DOCK4: variants seen among roughly 807,000 people sequenced by gnomAD.
The protein encoded by DOCK4 is dedicator of cytokinesis 4.
DOCK4 carries 97 observed loss-of-function variants against 268.1 expected under a neutral mutation model. That is an observed-to-expected ratio of 0.36 (90% CI 0.31 to 0.43). The LOEUF is 0.43. DOCK4 is among the 20% of genes least tolerant of loss of function. The probability of loss-of-function intolerance (pLI) is 1.00; values close to 1 mark genes in which losing one functional copy is unlikely to be tolerated. For synonymous variants in DOCK4, 954 were observed against 887.2 expected, an observed-to-expected ratio of 1.08 and a Z score of -1.34; for missense variants, 2,145 against 2,455.7, an observed-to-expected ratio of 0.87 and a Z score of 2.67.
chr7:111,958,280 TAAG>T (rs956596568), intron 8 of DOCK4, among the ~76,000 whole-genome samples: 1 of 152,178 alleles, frequency 6.6e-6, no homozygotes, highest in Non-Finnish European at 1.5e-5. Flanking sequence ...GAAAAGGAAC[TAAG>T]AAGAACTCAT....
At chr7:111,787,823 CA>C (rs1381204190) in intron 32 of DOCK4, among the ~76,000 whole-genome samples, 1 of 152,126 alleles carries the variant, frequency 6.6e-6, no homozygotes, top group East Asian at 1.9e-4. Flanking sequence ...GAAAGAACTG[CA>C]AACATTTTTC....
Position 111,736,909 on chromosome 7 carries a change from G to A in DOCK4, c.5305+8C>T. 1 of 1,594,730 alleles carries A rather than the reference G, an allele frequency of 6.3e-7. No individual in the cohort carries two copies. Among genetic ancestry groups the A allele is most frequent in the Non-Finnish European group, 8.5e-7 (1 of 1,170,030 alleles). Reference sequence around the variant, plus strand: ...ACATTCCAGGACTGACCATGGGGCTGGCCTTACCTTTTTCAGGTGCAGAGA... The same window carrying A: ...ACATTCCAGGACTGACCATGGGGCTAGCCTTACCTTTTTCAGGTGCAGAGA... On this transcript the variant is annotated splice_region_variant and intron_variant, in intron 50 of 52. Coordinates refer to ENST00000428084, the MANE Select transcript of DOCK4 (RefSeq NM_001363540.2).
Position 111,769,523 on chromosome 7 carries a change from A to G in DOCK4, c.3828+6T>C, listed in dbSNP as rs773142003. The stretch of plus-strand genomic sequence containing the variant: ...GAGGGACCCCGGGCGGGGCAGGGCC[A>G]CTTACTTTGCCTCTGTCAAAGTTCT... On this transcript the variant is annotated splice_donor_region_variant and intron_variant, in intron 37 of 52. Transcript: ENST00000428084. The G allele has an allele frequency of 1.9e-5, 31 of 1,613,326 alleles. No homozygotes were observed. Among genetic ancestry groups the G allele is most frequent in the Non-Finnish European group, 2.5e-5 (30 of 1,179,714 alleles).
rs186845952 is a variant in DOCK4 at position 112,194,459 on chromosome 7, A to G, written c.37+11643T>C. 2.3e-3 allele frequency among the ~76,000 whole-genome samples: 350 copies of G among 152,338 alleles called. 3 individuals are homozygous for G. The Middle Eastern group carries it at 0.027, about 12-fold the overall frequency. On this transcript the variant is annotated intron_variant, in intron 1 of 52. Transcript: ENST00000428084. The stretch of plus-strand genomic sequence containing the variant: ...ACATCTTCACTGTGGATACTGGAAA[A>G]TGAACACAGCAGTGACATCACAGGC...
At chr7:112,203,778 A>G (rs1821148256) in intron 1 of DOCK4, among the ~76,000 whole-genome samples, 1 of 151,800 alleles carries the variant, frequency 6.6e-6, no homozygotes, top group African/African-American at 2.4e-5. Flanking sequence ...AGTGCCCTCC[A>G]TGGTGAAAAA....
chr7:112,052,958 T>G (rs2135558924), intron 1 of DOCK4, among the ~76,000 whole-genome samples: 1 of 152,312 alleles, frequency 6.6e-6, no homozygotes, highest in Admixed American at 6.5e-5. Flanking sequence ...AGTTCTGGTT[T>G]CTAATTCACC....
chr7:111,787,214 A>C (rs1197329929), intron 32 of DOCK4, among the ~76,000 whole-genome samples: 1 of 152,178 alleles, frequency 6.6e-6, no homozygotes, highest in African/African-American at 2.4e-5. Context: ...ATAAATAATT[A>C]ATCACAAATC....
At chr7:112,178,588 A>T in intron 1 of DOCK4, among the ~76,000 whole-genome samples, 1 of 152,180 alleles carries the variant, frequency 6.6e-6, no homozygotes. Context: ...TCCTCACATT[A>T]TTCCTCAAAA....
chr7:112,002,354 T>C (rs1013628282), intron 2 of DOCK4, among the ~76,000 whole-genome samples: 2 of 152,198 alleles, frequency 1.3e-5, no homozygotes, highest in Non-Finnish European at 2.9e-5. Flanking sequence ...CTCTGTCCAA[T>C]TATACTATAC....
chr7:111,829,591 A>G (rs750564811), intron 26 of DOCK4, among the ~76,000 whole-genome samples: 4 of 152,200 alleles, frequency 2.6e-5, no homozygotes, highest in Admixed American at 6.5e-5. Context: ...ATTAGTCTTG[A>G]TATCTCTAAT....
chr7:112,146,874 G>A (rs548667561), intron 1 of DOCK4, among the ~76,000 whole-genome samples: 5 of 152,136 alleles, frequency 3.3e-5, no homozygotes, highest in Non-Finnish European at 7.4e-5. Context: ...TCCAAAATTT[G>A]ATTATATTTT....
At chr7:112,016,026 GGATTACAT>G (rs532594435) in intron 1 of DOCK4, among the ~76,000 whole-genome samples, 54 of 152,284 alleles carry the variant, frequency 3.5e-4, no homozygotes, top group Non-Finnish European at 7.1e-4. Context: ...GTTTTTAAAA[GGATTACAT>G]TTCAACATAA....
intron 1 of DOCK4, among the ~76,000 whole-genome samples, chr7:112,171,232 T>C (rs2116601975): frequency 6.6e-6 from 1 of 152,310 alleles, no homozygotes; most frequent in East Asian, 1.9e-4. Context: ...ATTTTCCTTT[T>C]AAATGGAAAA....
rs143004189 is a variant in DOCK4 at position 111,926,870 on chromosome 7, A to AAAGGAAGGAAGGAAGGAAGGAAGG, written c.1066+8646_1066+8669dup. Among the ~76,000 whole-genome samples the AAAGGAAGGAAGGAAGGAAGGAAGG allele has an allele frequency of 2.8e-3, 427 of 150,000 alleles. 2 individuals are homozygous for AAAGGAAGGAAGGAAGGAAGGAAGG. The highest frequency in any genetic ancestry group is 0.01 in the African/African-American group (407 of 40,160). ...GAAAGAGAAAAAGAGAGAGAGAGAG[A>AAAGGAAGGAAGGAAGGAAGGAAGG]AAGGAAGGAAGGAAGGAAGGAAGGA... On this transcript the variant is annotated intron_variant, in intron 12 of 52. Transcript: ENST00000428084.
At position 112,206,204 on chromosome 7, in the gene DOCK4, T is replaced by G; in HGVS notation, c.-66A>C. 1 of 1,502,818 alleles carries G rather than the reference T, an allele frequency of 6.7e-7. No individual in the cohort carries two copies. 93.1% of individuals were successfully genotyped at this position (1,502,818 alleles called of 1,614,324 possible). A position where few individuals can be genotyped will look rare whatever the true frequency, so the allele number is the denominator to read the frequency against. The stretch of plus-strand genomic sequence containing the variant: ...GCGCCCCTTCTCCGGCTCACAACAA[T>G]GCACAGTCCCCGAGCAGCGCTGCAG... On this transcript the variant is annotated 5_prime_UTR_variant, in exon 1 of 53. Transcript: ENST00000428084.
intron 1 of DOCK4, among the ~76,000 whole-genome samples, chr7:112,105,971 A>G (rs1419235709): frequency 6.6e-6 from 1 of 152,216 alleles, no homozygotes; most frequent in Non-Finnish European, 1.5e-5. Context: ...GATCACAGGC[A>G]TGAGCCACTG....
At position 111,993,241 on chromosome 7, in the gene DOCK4, G is replaced by A. The variant is rs147598565; in HGVS notation, c.315+894C>T. Among the ~76,000 whole-genome samples the A allele has an allele frequency of 7.9e-4, 120 of 152,228 alleles. 1 individual carries two copies. Among genetic ancestry groups the A allele is most frequent in the Middle Eastern group, 3.4e-3 (1 of 294 alleles). On this transcript the variant is annotated intron_variant, in intron 5 of 52. Coordinates refer to ENST00000428084, the MANE Select transcript of DOCK4 (RefSeq NM_001363540.2). The stretch of plus-strand genomic sequence containing the variant: ...CCTCACTAATTTGGATTTTTTCCTC[G>A]ACAGGCTGTTTTAAATCGTTTTGTC...
chr7:112,170,486 T>C (rs983394939), intron 1 of DOCK4, among the ~76,000 whole-genome samples: 5 of 151,560 alleles, frequency 3.3e-5, no homozygotes, highest in African/African-American at 9.7e-5. Flanking sequence ...AAAGCATATA[T>C]ATTTAGAGTT....
intron 23 of DOCK4, among the ~76,000 whole-genome samples, chr7:111,851,459 A>G (rs1294733674): frequency 6.6e-6 from 1 of 151,906 alleles, no homozygotes; most frequent in Admixed American, 6.6e-5. Flanking sequence ...AAAAAAAAAA[A>G]AAAAAAATTT....
Sources: allele counts gnomAD v4.1 joint callset (sites outside exome capture counted in the v4.1 genomes callset), GRCh38; gene constraint gnomAD v4.1.1; transcripts MANE v1.5; gene names NCBI Gene and HGNC (gene_info 2026-07-23, HGNC 2026-07-21).